Variants in ENPP3 observed in about 807,000 individuals in gnomAD.
ENPP3 encodes the protein ectonucleotide pyrophosphatase/phosphodiesterase family member 3.
ENPP3 carries 104 observed loss-of-function variants against 117.8 expected under a neutral mutation model. That is an observed-to-expected ratio of 0.88 (90% CI 0.75 to 1.04). The LOEUF (loss-of-function observed/expected upper bound fraction) is 1.04. ENPP3 is among the 50% of genes least tolerant of loss of function. The pLI, the probability that ENPP3 is intolerant of heterozygous loss-of-function variation, is 0.00. For missense variants in ENPP3, 1,026 were observed against 1,051.9 expected (o/e 0.98, Z 0.34); for synonymous variants, 380 against 349.9 (o/e 1.09, Z -0.96).
chr6:131,730,017 T>C (rs1386104310), intron 20 of ENPP3, among the ~76,000 whole-genome samples: 1 of 152,200 alleles, frequency 6.6e-6, no homozygotes. Context: ...AAAATTACAA[T>C]AAACTTTCTT....
At chr6:131,728,868 A>T (rs1780213965) in intron 20 of ENPP3, among the ~76,000 whole-genome samples, 1 of 152,136 alleles carries the variant, frequency 6.6e-6, no homozygotes, top group South Asian at 2.1e-4. Flanking sequence ...CCATACATAG[A>T]TTTTGCTTCT....
At chr6:131,719,402 CACACACACACACACACACAT>C (rs961514732) in intron 16 of ENPP3, among the ~76,000 whole-genome samples, 1 of 145,956 alleles carries the variant, frequency 6.9e-6, no homozygotes, top group African/African-American at 2.7e-5. Context: ...CACACACACA[CACACACACACACACACACAT>C]TCCTTTCCAA....
At chr6:131,685,539 A>G (rs1209935955) in intron 13 of ENPP3, 44 bp downstream of exon 13, 3 of 1,591,474 alleles carry the variant, frequency 1.9e-6, no homozygotes, top group East Asian at 2.2e-5. Flanking sequence ...TAAACCTGAA[A>G]GTGAATAACC....
At position 131,650,030 on chromosome 6, in the gene ENPP3, G is replaced by A. The variant is rs1778229543; in HGVS notation, c.158G>A (p.Ser53Asn). 6 of 1,613,776 alleles carry A rather than the reference G, an allele frequency of 3.7e-6. No individual in the cohort carries two copies. The highest frequency in any genetic ancestry group is 5.1e-6 in the Non-Finnish European group (6 of 1,179,880). ...CCCTATTTCCTTTACTTTGTAGGCA[G>A]CTGCAGGAAGAAGTGCTTTGATGCA... is the stretch of plus-strand genomic sequence containing the variant. Reference protein sequence around the residue: ...LGLRKLEKQGSCRKKCFDASF... With the variant: ...LGLRKLEKQGNCRKKCFDASF... The change falls in exon 3 of 25, where the codon AGC (serine) becomes AAC (asparagine). Residue 53 changes from serine (S) to asparagine (N), a missense_variant. Physicochemically the swap from Ser to Asn is conservative, Grantham distance 46 (BLOSUM62 1). Coordinates refer to ENST00000357639, the MANE Select transcript of ENPP3 (RefSeq NM_005021.5).
chr6:131,721,048 G>A (rs1269868112), intron 17 of ENPP3, among the ~76,000 whole-genome samples: 1 of 152,132 alleles, frequency 6.6e-6, no homozygotes, highest in Non-Finnish European at 1.5e-5. Flanking sequence ...ACAGAGAGAA[G>A]CTCTCTGGCA....
At position 131,737,432 on chromosome 6, in the gene ENPP3, A is replaced by G. The variant is rs150100387; in HGVS notation, c.2167A>G (p.Lys723Glu). Residue 723 changes from lysine to glutamate, a missense_variant and splice_region_variant, in exon 22 of 25, where the codon AAA (lysine) becomes GAA (glutamate). Physicochemically the swap from Lys to Glu is moderately conservative, Grantham distance 56 (BLOSUM62 1). Coordinates refer to ENST00000357639, the MANE Select transcript of ENPP3 (RefSeq NM_005021.5). ...NLVPMYEEFR[K>E]MWDYFHSVLL... is the part of the protein sequence containing the mutation. ...GGTACCTATGTATGAAGAATTCAGAAGTAAGTATGAATTTAGAGTATTAAT... is the reference window on the plus strand; with the variant it reads ...GGTACCTATGTATGAAGAATTCAGAGGTAAGTATGAATTTAGAGTATTAAT... The G allele has an allele frequency of 3.2e-4, 484 of 1,499,944 alleles. 2 individuals carry two copies. The African/African-American group carries it at 5.6e-3, about 17-fold the overall frequency. 92.9% of individuals were successfully genotyped at this position (1,499,944 alleles called of 1,614,324 possible). A position where few individuals can be genotyped will look rare whatever the true frequency, so the allele number is the denominator to read the frequency against.
intron 20 of ENPP3, among the ~76,000 whole-genome samples, chr6:131,730,294 G>C (rs1190298860): frequency 6.6e-6 from 1 of 152,096 alleles, no homozygotes; most frequent in African/African-American, 2.4e-5. Flanking sequence ...CTTATACCAA[G>C]TGGAGAAACC....
intron 2 of ENPP3, among the ~76,000 whole-genome samples, chr6:131,645,539 T>C (rs925281943): frequency 2.6e-5 from 4 of 152,342 alleles, no homozygotes; most frequent in Non-Finnish European, 4.4e-5. Flanking sequence ...CTCTTTCTTC[T>C]TGTTTCATTT....
intron 20 of ENPP3, among the ~76,000 whole-genome samples, chr6:131,732,710 CATT>C (rs71030755): frequency 0.053 from 6,986 of 131,684 alleles, 211 homozygotes; most frequent in Middle Eastern, 0.11. Context: ...TGGCCTAAGA[CATT>C]ATTATTATTA....
chr6:131,675,277 C>T, intron 9 of ENPP3, 88 bp downstream of exon 9: 1 of 915,532 alleles, frequency 1.1e-6, no homozygotes, highest in South Asian at 1.4e-5. Flanking sequence ...TTCTATTAAT[C>T]CAGTTGTTTA....
chr6:131,721,527 G>A (rs1359792765), intron 17 of ENPP3, among the ~76,000 whole-genome samples: 1 of 149,772 alleles, frequency 6.7e-6, no homozygotes, highest in African/African-American at 2.5e-5. Context: ...AAAAGGCTAT[G>A]TTGGTGAAAT....
Position 131,655,436 on chromosome 6 carries a change from G to A in ENPP3, c.464+2545G>A, listed in dbSNP as rs557026117. 7.9e-5 allele frequency among the ~76,000 whole-genome samples: 12 copies of A among 152,294 alleles called. No individual in the cohort carries two copies. The East Asian group carries it at 2.3e-3, about 29-fold the overall frequency. On this transcript the variant is annotated intron_variant, in intron 5 of 24. Coordinates refer to ENST00000357639, the MANE Select transcript of ENPP3 (RefSeq NM_005021.5). Reference sequence around the variant, plus strand: ...AGTGCTGCATTCCTAGTGGTTGCTGGAAGCAGGAAGCAAACCCAGGCAGTA... The same window carrying A: ...AGTGCTGCATTCCTAGTGGTTGCTGAAAGCAGGAAGCAAACCCAGGCAGTA...
intron 18 of ENPP3, among the ~76,000 whole-genome samples, chr6:131,723,097 G>A (rs1020194463): frequency 6.6e-6 from 1 of 152,140 alleles, no homozygotes; most frequent in Non-Finnish European, 1.5e-5. Context: ...TTGGAGCCCC[G>A]TTATCAGGAG....
At chr6:131,725,147 A>G (rs1562475871) in intron 19 of ENPP3, among the ~76,000 whole-genome samples, 2 of 152,002 alleles carry the variant, frequency 1.3e-5, no homozygotes, top group Non-Finnish European at 2.9e-5. Flanking sequence ...AATCACTTGA[A>G]CCCAGGAGAT....
chr6:131,648,475 T>C (rs1235021481), intron 2 of ENPP3, among the ~76,000 whole-genome samples: 1 of 152,150 alleles, frequency 6.6e-6, no homozygotes, highest in Non-Finnish European at 1.5e-5. Flanking sequence ...TTATTCACTG[T>C]TACTTTGCAG....
intron 2 of ENPP3, among the ~76,000 whole-genome samples, 183 bp downstream of exon 2, chr6:131,641,713 TG>T (rs1337668198): frequency 6.6e-6 from 1 of 151,950 alleles, no homozygotes; most frequent in Non-Finnish European, 1.5e-5. Context: ...CATTGCTCAC[TG>T]TACTTTCTGG....
At chr6:131,727,416 G>A (rs987029374) in intron 20 of ENPP3, among the ~76,000 whole-genome samples, 16 of 151,846 alleles carry the variant, frequency 1.1e-4, no homozygotes, top group African/African-American at 2.7e-4. Flanking sequence ...TTAGGCAGGC[G>A]GGGTGGCATA....
At chr6:131,669,203 T>C (rs1778686398) in intron 6 of ENPP3, among the ~76,000 whole-genome samples, 1 of 152,222 alleles carries the variant, frequency 6.6e-6, no homozygotes, top group Non-Finnish European at 1.5e-5. Context: ...TTTCTTGTTA[T>C]ATGACTTCTT....
At chr6:131,639,263 A>ATTTTTT (rs71030752) in intron 1 of ENPP3, among the ~76,000 whole-genome samples, 31 of 91,228 alleles carry the variant, frequency 3.4e-4, no homozygotes, top group Admixed American at 1.2e-3. Flanking sequence ...ATATATATAT[A>ATTTTTT]TATTTTTTTT....
Sources: gnomAD v4.1 joint callset for allele counts (sites outside exome capture counted in the v4.1 genomes callset) on GRCh38, gnomAD v4.1.1 for gene constraint, MANE v1.5 for transcripts, NCBI Gene and HGNC (gene_info 2026-07-23, HGNC 2026-07-21) for gene names.